Variants in PLEKHA4 observed in about 807,000 individuals in gnomAD.
PLEKHA4 encodes the protein pleckstrin homology domain-containing family A member 4.
Under a neutral mutation model 94.7 loss-of-function variants are expected in PLEKHA4, and 73 were observed. The ratio of observed to expected loss-of-function variants is 0.77; its 90% CI spans 0.64 to 0.94. PLEKHA4 has a LOEUF of 0.94. Ranked by LOEUF, PLEKHA4 falls within the 40% of genes least tolerant of loss-of-function variation. The probability of loss-of-function intolerance (pLI) is 0.00; values close to 1 mark genes in which losing one functional copy is unlikely to be tolerated. For missense variants in PLEKHA4, 1,049 were observed against 1,054.1 expected (o/e 1.00, Z 0.07); for synonymous variants, 449 against 437.1 (o/e 1.03, Z -0.34).
At chr19:48,861,331 C>T (rs971094640) in intron 5 of PLEKHA4, 70 bp downstream of exon 5, 3 of 1,341,602 alleles carry the variant, frequency 2.2e-6, no homozygotes, top group East Asian at 2.3e-5. Context: ...GGAGTTTCCT[C>T]GACAGATATC....
chr19:48,840,068 A>T lies in PLEKHA4; in HGVS notation c.1906-805T>A, dbSNP rs574413477. ...GGTCGCAGTGAGTCGAGATTCCACC[A>T]CTATACTCCATCATGGGCAACAAAG... is the stretch of plus-strand genomic sequence containing the variant. On this transcript the variant is annotated intron_variant, in intron 17 of 19. Transcript: ENST00000263265. Among the ~76,000 whole-genome samples the T allele has an allele frequency of 1.8e-4, 28 of 151,980 alleles. No individual in the cohort carries two copies. In the East Asian group the frequency reaches 3.1e-3, roughly 17 times the overall value.
chr19:48,866,243 C>A (rs941757055), intron 2 of PLEKHA4, among the ~76,000 whole-genome samples: 1 of 151,802 alleles, frequency 6.6e-6, no homozygotes. Flanking sequence ...CCATGCCCAG[C>A]TAATTTTTTT....
rs2036635821 is a variant in PLEKHA4, at chr19:48,861,436, G to C, written c.331C>G (p.Pro111Ala). 1 of 1,613,894 alleles carries C rather than the reference G, an allele frequency of 6.2e-7. No individual in the cohort carries two copies. Among genetic ancestry groups the C allele is most frequent in the Non-Finnish European group, 8.5e-7 (1 of 1,180,046 alleles). ...LPSYNIRPDG[P>A]GAPRGRRFTF... ...AAGCGCCGCCCTCGGGGGGCTCCCGGCCCATCTGGTCTAATATTGTAGCTG... is the reference window on the plus strand; with the variant it reads ...AAGCGCCGCCCTCGGGGGGCTCCCGCCCCATCTGGTCTAATATTGTAGCTG... Residue 111 changes from proline to alanine, a missense_variant, in exon 5 of 20, where the codon CCG (proline) becomes GCG (alanine). By Grantham distance (27) the Pro-to-Ala change is conservative. Coordinates refer to ENST00000263265, the MANE Select transcript of PLEKHA4 (RefSeq NM_020904.3).
rs779348368 is a variant in PLEKHA4 at position 48,859,638 on chromosome 19, C to T, written c.523G>A (p.Gly175Ser). The T allele has an allele frequency of 9.9e-6, 16 of 1,612,524 alleles. No individual in the cohort carries two copies. Among genetic ancestry groups the T allele is most frequent in the Admixed American group, 1.7e-5 (1 of 59,782 alleles). ...ACCTCCGGGGGACCACCGGGGCCGC[C>T]GGGGCCCTCCCCGGGCTGGGGTCGT... The part of the protein sequence containing the change: ...PARPQPGEGP[G>S]GPGGPPEVSR... Residue 175 changes from glycine to serine, a missense_variant, in exon 7 of 20, where the codon GGC (glycine) becomes AGC (serine). Gly to Ser is a moderately conservative substitution (Grantham distance 56, BLOSUM62 0). Transcript: ENST00000263265.
intron 12 of PLEKHA4, among the ~76,000 whole-genome samples, chr19:48,853,266 C>T (rs1277397716): frequency 6.6e-6 from 1 of 152,110 alleles, no homozygotes; most frequent in Non-Finnish European, 1.5e-5. Context: ...CGCAGTGGCT[C>T]ATGCCTGTAA....
rs745901741 is a variant in PLEKHA4, at chr19:48,861,429, G to A, written c.338C>T (p.Ala113Val). Reference sequence around the variant, plus strand: ...GAAGGTGAAGCGCCGCCCTCGGGGGGCTCCCGGCCCATCTGGTCTAATATT... The same window carrying A: ...GAAGGTGAAGCGCCGCCCTCGGGGGACTCCCGGCCCATCTGGTCTAATATT... ...SYNIRPDGPG[A>V]PRGRRFTFTA... The change falls in exon 5 of 20, where the codon GCC (alanine) becomes GTC (valine). Residue 113 changes from alanine (A) to valine (V), a missense_variant. Transcript: ENST00000263265. 1.2e-5 allele frequency: 20 copies of A among 1,613,808 alleles called. No homozygotes were observed. Among genetic ancestry groups the A allele is most frequent in the Admixed American group, 1.7e-5 (1 of 59,996 alleles).
chr19:48,855,703 C>A (rs188340032), intron 9 of PLEKHA4, among the ~76,000 whole-genome samples: 1 of 151,928 alleles, frequency 6.6e-6, no homozygotes, highest in African/African-American at 2.4e-5. Flanking sequence ...GTGGGAGTAT[C>A]GCTTGGGCCC....
At chr19:48,854,131 T>G (rs1416406513) in intron 10 of PLEKHA4, 44 bp from the exon 11 acceptor site, 7 of 1,613,446 alleles carry the variant, frequency 4.3e-6, no homozygotes, top group Non-Finnish European at 5.9e-6. Context: ...CAGATCTGGC[T>G]CTTCCCCTGC....
chr19:48,844,456 C>G, intron 16 of PLEKHA4: 1 of 985,074 alleles, frequency 1.0e-6, no homozygotes, highest in Non-Finnish European at 1.2e-6. Context: ...TTCCCAGCCC[C>G]AAGAAGTGCT....
Position 48,854,262 on chromosome 19 carries a change from C to A in PLEKHA4, c.1050G>T (p.Pro350=), listed in dbSNP as rs745503640. ...PGTRASMVLL[P]GPPLESTFHQ... Reference sequence around the variant, plus strand: ...GGAAAGTTGACTCCAGGGGAGGACCCGGCTGAAGAGAAGGAAAAAAGTCAG... The same window carrying A: ...GGAAAGTTGACTCCAGGGGAGGACCAGGCTGAAGAGAAGGAAAAAAGTCAG... The change falls in exon 10 of 20, where the codon CCG becomes CCT. Residue 350 remains proline (P), a splice_region_variant and synonymous_variant. Coordinates refer to ENST00000263265, the MANE Select transcript of PLEKHA4 (RefSeq NM_020904.3). 2.5e-6 allele frequency: 4 copies of A among 1,613,966 alleles called. No individual in the cohort carries two copies. Among genetic ancestry groups the A allele is most frequent in the Non-Finnish European group, 3.4e-6 (4 of 1,179,898 alleles).
In PLEKHA4 at chr19:48,859,080, G is replaced by C; in HGVS notation, c.752C>G (p.Ala251Gly). 7.5e-7 allele frequency: 1 copy of C among 1,334,014 alleles called. No individual in the cohort carries two copies. Among genetic ancestry groups the C allele is most frequent in the Non-Finnish European group, 9.9e-7 (1 of 1,011,048 alleles). 82.6% of individuals were successfully genotyped at this position (1,334,014 alleles called of 1,614,324 possible). Residue 251 changes from alanine to glycine, a missense_variant, in exon 8 of 20, where the codon GCC becomes GGC. Transcript: ENST00000263265. ...SPLSLPRPRS[A>G]PARRPPAPSG... Reference sequence around the variant, plus strand: ...GGGGGCAGGGGGTCGCCGCGCAGGGGCAGAACGGGGACGGGGGAGGCTCAG... The same window carrying C: ...GGGGGCAGGGGGTCGCCGCGCAGGGCCAGAACGGGGACGGGGGAGGCTCAG...
At chr19:48,853,938 C>A in intron 11 of PLEKHA4, 69 bp downstream of exon 11, 1 of 1,601,242 alleles carries the variant, frequency 6.2e-7, no homozygotes, top group Non-Finnish European at 8.5e-7. Flanking sequence ...ATCCTGACTT[C>A]CGCATTCAGG....
intron 9 of PLEKHA4, among the ~76,000 whole-genome samples, chr19:48,855,603 C>CAAATAAATAAATAAATAAAT (rs35146886): frequency 6.3e-5 from 9 of 142,800 alleles, no homozygotes; most frequent in African/African-American, 2.4e-4. Flanking sequence ...GATTTCGTCT[C>CAAATAAATAAATAAATAAAT]AAATAAATAA....
chr19:48,845,287 C>A, intron 16 of PLEKHA4, 83 bp downstream of exon 16: 1 of 1,325,962 alleles, frequency 7.5e-7, no homozygotes, highest in Non-Finnish European at 1.1e-6. Flanking sequence ...GGCCTTAGAA[C>A]GCTCTACTCC....
chr19:48,865,391 G>T, intron 3 of PLEKHA4, 112 bp downstream of exon 3: 2 of 671,600 alleles, frequency 3.0e-6, no homozygotes, highest in Non-Finnish European at 5.3e-6. Flanking sequence ...ACTAAGGGGA[G>T]GGGCAGTGAT....
chr19:48,845,200 C>G, intron 16 of PLEKHA4, 170 bp downstream of exon 16: 1 of 652,658 alleles, frequency 1.5e-6, no homozygotes, highest in Non-Finnish European at 2.7e-6. Flanking sequence ...GACCCAAAGT[C>G]ACACAGCTTA....
At chr19:48,850,323 G>A (rs1568541947) in intron 13 of PLEKHA4, among the ~76,000 whole-genome samples, 2 of 151,678 alleles carry the variant, frequency 1.3e-5, no homozygotes, top group African/African-American at 2.4e-5. Flanking sequence ...GGCCAACATG[G>A]TGAAACCCCA....
chr19:48,849,611 G>A (rs2036104354), intron 13 of PLEKHA4, among the ~76,000 whole-genome samples: 2 of 152,130 alleles, frequency 1.3e-5, no homozygotes, highest in African/African-American at 2.4e-5. Flanking sequence ...GCCCGGCCGT[G>A]TCAATGTTTT....
intron 6 of PLEKHA4, chr19:48,860,021 CT>C (rs1420347996): frequency 1.8e-6 from 1 of 558,326 alleles, no homozygotes; most frequent in Non-Finnish European, 3.1e-6. Flanking sequence ...TATCTTTTAC[CT>C]GGCATTGTTT....
Sources: gnomAD v4.1 joint callset for allele counts (sites outside exome capture counted in the v4.1 genomes callset) on GRCh38, gnomAD v4.1.1 for gene constraint, MANE v1.5 for transcripts, NCBI Gene and HGNC (gene_info 2026-07-23, HGNC 2026-07-21) for gene names.